Variants in TPP2 observed in about 807,000 individuals in gnomAD.
The protein encoded by TPP2 is tripeptidyl peptidase 2.
Under a neutral mutation model 155.9 loss-of-function variants are expected in TPP2, and 34 were observed. The ratio of observed to expected loss-of-function variants is 0.22; its 90% confidence interval spans 0.17 to 0.29. The LOEUF is 0.29. Among genes scored for constraint, TPP2 ranks in the 10% least tolerant of loss-of-function variants. TPP2 has a pLI of 1.00. For missense variants in TPP2, 1,028 were observed against 1,522.3 expected, an observed-to-expected ratio of 0.68 and a Z score of 5.40; for synonymous variants, 510 against 529.4, an observed-to-expected ratio of 0.96 and a Z score of 0.50.
At chr13:102,677,534 C>T (rs1490874605) in intron 29 of TPP2, among the ~76,000 whole-genome samples, 1 of 152,190 alleles carries the variant, frequency 6.6e-6, no homozygotes, top group Non-Finnish European at 1.5e-5. Context: ...CTTGCCCATA[C>T]AAACTCTGCT....
intron 10 of TPP2, among the ~76,000 whole-genome samples, chr13:102,630,639 G>T (rs1023479805): frequency 1.3e-5 from 2 of 152,022 alleles, no homozygotes; most frequent in Admixed American, 1.3e-4. Flanking sequence ...AGCAATTTTG[G>T]GTGAGATCCA....
chr13:102,607,348 C>T (rs1039398686), intron 2 of TPP2, among the ~76,000 whole-genome samples: 9 of 152,126 alleles, frequency 5.9e-5, no homozygotes, highest in African/African-American at 2.2e-4. Flanking sequence ...TTCTGAGTGC[C>T]AACATGACAC....
intron 17 of TPP2, 80 bp from the exon 18 acceptor site, chr13:102,644,477 C>A: frequency 8.1e-7 from 1 of 1,228,270 alleles, no homozygotes; most frequent in Non-Finnish European, 1.1e-6. Flanking sequence ...AACAGAATTG[C>A]TCTGAAACAG....
chr13:102,640,544 AT>A (rs1882685890), intron 16 of TPP2, among the ~76,000 whole-genome samples, 168 bp downstream of exon 16: 1 of 151,752 alleles, frequency 6.6e-6, no homozygotes, highest in Non-Finnish European at 1.5e-5. Context: ...ATCTAGTACA[AT>A]TTTGCATTGG....
intron 6 of TPP2, 79 bp downstream of exon 6, chr13:102,623,119 C>G (rs970806034): frequency 1.5e-5 from 21 of 1,436,278 alleles, no homozygotes; most frequent in Middle Eastern, 1.8e-4. Flanking sequence ...TCACAGCAAC[C>G]TTCTAGAGAA....
At chr13:102,620,138 G>A (rs113817262) in intron 5 of TPP2, among the ~76,000 whole-genome samples, 3 of 152,180 alleles carry the variant, frequency 2.0e-5, no homozygotes, top group Admixed American at 6.5e-5. Context: ...TTTGTCTTAG[G>A]AAAAGGAATC....
At chr13:102,638,150 T>G in intron 14 of TPP2, 89 bp from the exon 15 acceptor site, 1 of 1,233,908 alleles carries the variant, frequency 8.1e-7, no homozygotes, top group Non-Finnish European at 1.2e-6. Flanking sequence ...TAAAAGTAGA[T>G]TGATTTATTC....
chr13:102,620,028 C>G (rs1310854848), intron 5 of TPP2, among the ~76,000 whole-genome samples: 1 of 152,104 alleles, frequency 6.6e-6, no homozygotes, highest in Non-Finnish European at 1.5e-5. Context: ...TACAAAAGAA[C>G]TTAAAGAAAT....
chr13:102,676,466 G>A (rs763781085), intron 29 of TPP2, 51 bp downstream of exon 29: 1 of 1,589,658 alleles, frequency 6.3e-7, no homozygotes, highest in South Asian at 1.1e-5. Context: ...ATATTGCATA[G>A]TGACAAGATA....
chr13:102,621,589 T>C (rs748494085), intron 5 of TPP2, among the ~76,000 whole-genome samples: 8 of 151,926 alleles, frequency 5.3e-5, no homozygotes, highest in African/African-American at 9.7e-5. Context: ...GGTGAGCAGA[T>C]GATTATTAGG....
chr13:102,660,995 A>G (rs1170130193), intron 25 of TPP2, among the ~76,000 whole-genome samples: 1 of 152,170 alleles, frequency 6.6e-6, no homozygotes, highest in African/African-American at 2.4e-5. Flanking sequence ...TTAACTCAAA[A>G]TGTATCAAAG....
intron 5 of TPP2, among the ~76,000 whole-genome samples, chr13:102,621,304 G>T (rs1472003334): frequency 6.6e-6 from 1 of 152,134 alleles, no homozygotes; most frequent in African/African-American, 2.4e-5. Context: ...TGTTTATTGA[G>T]TACCTTCTTT....
chr13:102,678,421 TCC>T lies in TPP2; in HGVS notation c.*106_*107del. On this transcript the variant is annotated 3_prime_UTR_variant, in exon 30 of 30. Transcript: ENST00000376052. ...GTCTAATGCATGTTTTCATCCACTA[TCC>T]AGTACTGATTATTAAAATGACATGT... 1 of 855,672 alleles carries T rather than the reference TCC, an allele frequency of 1.2e-6. No homozygotes were observed. Among genetic ancestry groups the T allele is most frequent in the Admixed American group, 2.3e-5 (1 of 43,464 alleles). The allele number at this position is 855,672 out of a possible 1,614,324, so 53.0% of individuals were successfully genotyped here. A position where few individuals can be genotyped will look rare whatever the true frequency, so the allele number is the denominator to read the frequency against.
At chr13:102,645,744 A>G (rs1157196833) in intron 19 of TPP2, among the ~76,000 whole-genome samples, 1 of 152,242 alleles carries the variant, frequency 6.6e-6, no homozygotes, top group Non-Finnish European at 1.5e-5. Flanking sequence ...TTTAAACTAT[A>G]TTTAAAACTT....
intron 24 of TPP2, among the ~76,000 whole-genome samples, chr13:102,653,382 A>G (rs1193448759): frequency 1.3e-5 from 2 of 151,938 alleles, no homozygotes; most frequent in Non-Finnish European, 2.9e-5. Context: ...ATGCAATAAT[A>G]TATTTTCTGT....
chr13:102,678,495 A>G lies in TPP2; in HGVS notation c.*179A>G. On this transcript the variant is annotated 3_prime_UTR_variant, in exon 30 of 30. Transcript: ENST00000376052. ...CGTGTGGCTTAATACATGTAAATCT[A>G]GACCTCTGACATCATGGTGTTTTCT... 5.7e-6 allele frequency: 3 copies of G among 530,046 alleles called. No homozygotes were observed. Among genetic ancestry groups the G allele is most frequent in the Non-Finnish European group, 9.8e-6 (3 of 305,460 alleles). 32.8% of individuals were successfully genotyped at this position (530,046 alleles called of 1,614,324 possible).
intron 24 of TPP2, among the ~76,000 whole-genome samples, chr13:102,652,338 CCACTG>C (rs1349365516): frequency 7.5e-6 from 1 of 134,014 alleles, no homozygotes; most frequent in Non-Finnish European, 1.6e-5. Flanking sequence ...TGAGATCACA[CCACTG>C]CACTCCAGTC....
Position 102,635,682 on chromosome 13 carries a change from C to G in TPP2, c.1489C>G (p.Gln497Glu), listed in dbSNP as rs563492779. ...GGCTGACAATATAGAAGTATTTGCT[C>G]AAGGACATGGTATTATTCAGGTATT... is the stretch of plus-strand genomic sequence containing the variant. Reference protein sequence around the residue: ...VKADNIEVFAQGHGIIQVDKA... With the variant: ...VKADNIEVFAEGHGIIQVDKA... Residue 497 changes from glutamine (Q) to glutamate (E), a missense_variant, in exon 12 of 30, where the codon CAA becomes GAA. Around this residue, in one of 7 missense-constraint regions of TPP2, gnomAD observed 325 missense variants for 463.7 expected, o/e 0.70. Transcript: ENST00000376052. 2 of 1,612,626 alleles carry G rather than the reference C, an allele frequency of 1.2e-6. No individual in the cohort carries two copies. The highest frequency in any genetic ancestry group is 1.3e-5 in the African/African-American group (1 of 74,944).
In TPP2 at chr13:102,643,358, T is replaced by G; in HGVS notation, c.2157T>G (p.Thr719=). The G allele has an allele frequency of 6.2e-7, 1 of 1,604,230 alleles. No individual in the cohort carries two copies. The highest frequency in any genetic ancestry group is 8.5e-7 in the Non-Finnish European group (1 of 1,177,350). The change falls in exon 17 of 30, where the codon ACT becomes ACG. Residue 719 remains threonine (T), a synonymous_variant. Transcript: ENST00000376052. The part of the protein sequence containing the change: ...FCSLPEKGTL[T]EAFPVLGGKA... Reference sequence around the variant, plus strand: ...CTCTTCCAGAGAAAGGAACACTGACTGAAGCTTTTCCTGTCCTAGTAAGTT... The same window carrying G: ...CTCTTCCAGAGAAAGGAACACTGACGGAAGCTTTTCCTGTCCTAGTAAGTT...
Sources: gnomAD v4.1 joint callset for allele counts (sites outside exome capture counted in the v4.1 genomes callset) on GRCh38, gnomAD v4.1.1 for gene constraint, gnomAD v4.1.1 regional missense constraint, MANE v1.5 for transcripts, NCBI Gene and HGNC (gene_info 2026-07-23, HGNC 2026-07-21) for gene names.